Variants in PCDHA13 observed in about 807,000 individuals in gnomAD.
PCDHA13 encodes protocadherin alpha-13.
In PCDHA13, 54 loss-of-function variants were observed where a neutral mutation model predicts 64.8. The observed-to-expected ratio is 0.83, with a 90% confidence interval of 0.67 to 1.04. The LOEUF (loss-of-function observed/expected upper bound fraction) is 1.04. PCDHA13 is among the 50% of genes least tolerant of loss of function. PCDHA13 has a pLI of 0.00. For synonymous variants in PCDHA13, 587 were observed against 564.4 expected (o/e 1.04, Z -0.57); for missense variants, 1,248 against 1,254.3 (o/e 0.99, Z 0.08).
At position 141,009,798 on chromosome 5, in the gene PCDHA13, A is replaced by T; in HGVS notation, c.2714A>T (p.Asn905Ile). 1 of 1,614,116 alleles carries T rather than the reference A, an allele frequency of 6.2e-7. No individual in the cohort carries two copies. The highest frequency in any genetic ancestry group is 2.2e-5 in the East Asian group (1 of 44,868). Residue 905 changes from asparagine (N) to isoleucine (I), a missense_variant, in exon 4 of 4, where the codon AAC (asparagine) becomes ATC (isoleucine). Asn to Ile is a moderately radical substitution (Grantham distance 149). Coordinates refer to ENST00000289272, the MANE Select transcript of PCDHA13 (RefSeq NM_018904.3). The stretch of plus-strand genomic sequence containing the variant: ...ATCTCCATCCGGCAGGAGCCTACTA[A>T]CAGCCAAATTGACAAAAGTGACTTC... Reference protein sequence around the residue: ...AIISIRQEPTNSQIDKSDFIT... With the variant: ...AIISIRQEPTISQIDKSDFIT...
At chr5:140,887,238 C>T (rs1191260946) in intron 1 of PCDHA13, among the ~76,000 whole-genome samples, 11 of 151,856 alleles carry the variant, frequency 7.2e-5, no homozygotes, top group East Asian at 3.9e-4. Flanking sequence ...CTGAGACTAC[C>T]GGCGCCCGCC....
chr5:140,979,383 T>C (rs2096847136), intron 2 of PCDHA13, among the ~76,000 whole-genome samples: 1 of 152,220 alleles, frequency 6.6e-6, no homozygotes, highest in Admixed American at 6.5e-5. Context: ...CATTGTGCAA[T>C]GTATACATAC....
At position 140,999,623 on chromosome 5, in the gene PCDHA13, A is replaced by G. The variant is rs188539860; in HGVS notation, c.2543-10004A>G. ...CCTGGGGGACCTTATCAACCAGGAAACAAGGTAGAGAAAACTGTGCAGCCT... is the reference window on the plus strand; with the variant it reads ...CCTGGGGGACCTTATCAACCAGGAAGCAAGGTAGAGAAAACTGTGCAGCCT... On this transcript the variant is annotated intron_variant, in intron 3 of 3. Transcript: ENST00000289272. Among the ~76,000 whole-genome samples the G allele has an allele frequency of 1.3e-4, 20 of 152,330 alleles. No individual in the cohort carries two copies. In the East Asian group the frequency reaches 3.9e-3, roughly 29 times the overall value.
chr5:140,888,067 T>G (rs1392142536), intron 1 of PCDHA13, among the ~76,000 whole-genome samples: 1 of 152,224 alleles, frequency 6.6e-6, no homozygotes, highest in Admixed American at 6.5e-5. Context: ...CTTTCTTGTC[T>G]GCTAATTTCA....
At chr5:140,924,812 T>G (rs947021976) in intron 1 of PCDHA13, among the ~76,000 whole-genome samples, 2 of 151,424 alleles carry the variant, frequency 1.3e-5, no homozygotes, top group African/African-American at 4.9e-5. Flanking sequence ...AGAGAATCGC[T>G]TGAACCTGGG....
At chr5:141,007,395 C>CAAAA (rs35800918) in intron 3 of PCDHA13, among the ~76,000 whole-genome samples, 7 of 94,852 alleles carry the variant, frequency 7.4e-5, no homozygotes, top group East Asian at 2.9e-4. Context: ...TACTAAAATA[C>CAAAA]AAAAAAAAAA....
intron 3 of PCDHA13, 102 bp downstream of exon 3, chr5:140,982,665 A>G (rs1318068299): frequency 2.0e-6 from 3 of 1,465,204 alleles, no homozygotes; most frequent in Middle Eastern, 2.1e-4. Context: ...TTTCTTTTAT[A>G]TTTTTGTTAT....
chr5:140,943,450 T>C (rs2093496924), intron 1 of PCDHA13, among the ~76,000 whole-genome samples: 1 of 152,012 alleles, frequency 6.6e-6, no homozygotes, highest in Non-Finnish European at 1.5e-5. Context: ...ATAGAATTGA[T>C]AAGGCTAAAT....
At chr5:140,941,321 T>C (rs1220701599) in intron 1 of PCDHA13, among the ~76,000 whole-genome samples, 5 of 62,540 alleles carry the variant, frequency 8.0e-5, no homozygotes, top group African/African-American at 2.0e-4. Context: ...TTCTTTCTCT[T>C]TTTTTTTTTT....
At chr5:140,914,360 T>C (rs782101976) in intron 1 of PCDHA13, among the ~76,000 whole-genome samples, 10 of 152,218 alleles carry the variant, frequency 6.6e-5, no homozygotes, top group Non-Finnish European at 1.5e-4. Context: ...GTTTTTGTCT[T>C]GAGATCTATT....
Position 140,882,606 on chromosome 5 carries a change from C to A in PCDHA13, c.338C>A (p.Pro113His), listed in dbSNP as rs782588313. The A allele has an allele frequency of 6.2e-7, 1 of 1,614,120 alleles. No individual in the cohort carries two copies. Among genetic ancestry groups the A allele is most frequent in the African/African-American group, 1.3e-5 (1 of 74,932 alleles). The change falls in exon 1 of 4, where the codon CCT (proline) becomes CAT (histidine). Residue 113 changes from proline (P) to histidine (H), a missense_variant. Coordinates refer to ENST00000289272, the MANE Select transcript of PCDHA13 (RefSeq NM_018904.3). ...SIHLEVIVDR[P>H]LQVFHVEVKV... ...CACCTGGAGGTGATCGTGGACAGGCCTCTGCAGGTTTTCCATGTGGAGGTG... is the reference window on the plus strand; with the variant it reads ...CACCTGGAGGTGATCGTGGACAGGCATCTGCAGGTTTTCCATGTGGAGGTG...
intron 1 of PCDHA13, among the ~76,000 whole-genome samples, chr5:140,953,914 T>A (rs1554221128): frequency 6.6e-6 from 1 of 152,134 alleles, no homozygotes; most frequent in South Asian, 2.1e-4. Context: ...ATCCATTAGG[T>A]ATTCTTCCTG....
chr5:140,884,044 G>A lies in PCDHA13; in HGVS notation c.1776G>A (p.Ala592=), dbSNP rs374333847. ...CGGTGGGTGCAGGCCACGTGGTGGCGAAGGTGCGCGCGGTGGACGCCGATT... is the reference window on the plus strand; with the variant it reads ...CGGTGGGTGCAGGCCACGTGGTGGCAAAGGTGCGCGCGGTGGACGCCGATT... ...PRSVGAGHVV[A]KVRAVDADSG... is the part of the protein sequence containing the mutation. The change falls in exon 1 of 4, where the codon GCG becomes GCA. Residue 592 remains alanine, a synonymous_variant. Coordinates refer to ENST00000289272, the MANE Select transcript of PCDHA13 (RefSeq NM_018904.3). 9.9e-6 allele frequency: 16 copies of A among 1,613,358 alleles called. No homozygotes were observed. Among genetic ancestry groups the A allele is most frequent in the Non-Finnish European group, 1.4e-5 (16 of 1,179,740 alleles).
At chr5:140,925,740 G>T (rs1008956010) in intron 1 of PCDHA13, among the ~76,000 whole-genome samples, 19 of 151,764 alleles carry the variant, frequency 1.3e-4, no homozygotes, top group African/African-American at 4.6e-4. Flanking sequence ...AATATTTACA[G>T]AAAGAAAATT....
intron 1 of PCDHA13, among the ~76,000 whole-genome samples, chr5:140,903,368 A>G (rs1554190936): frequency 6.6e-6 from 1 of 152,234 alleles, no homozygotes; most frequent in Non-Finnish European, 1.5e-5. Flanking sequence ...TCAAAAATAT[A>G]GGGAGGATTG....
chr5:140,951,703 C>T (rs1000873823), intron 1 of PCDHA13, among the ~76,000 whole-genome samples: 3 of 152,110 alleles, frequency 2.0e-5, no homozygotes, highest in Non-Finnish European at 2.9e-5. Context: ...GAGCTTTGGG[C>T]GGGGACACAG....
At chr5:140,988,157 G>A (rs1344911037) in intron 3 of PCDHA13, among the ~76,000 whole-genome samples, 5 of 152,014 alleles carry the variant, frequency 3.3e-5, no homozygotes, top group African/African-American at 7.3e-5. Context: ...AACTTCTGCC[G>A]TTGTCATAGC....
chr5:140,908,208 C>A (rs1477430085), intron 1 of PCDHA13, among the ~76,000 whole-genome samples: 8 of 152,136 alleles, frequency 5.3e-5, no homozygotes, highest in Non-Finnish European at 1.0e-4. Context: ...TCATGCAGAA[C>A]CATCTGTGAA....
intron 3 of PCDHA13, among the ~76,000 whole-genome samples, chr5:140,990,016 G>A (rs1211656433): frequency 6.6e-6 from 1 of 152,138 alleles, no homozygotes; most frequent in East Asian, 1.9e-4. Flanking sequence ...GCGTGGGCTA[G>A]GCAAAGGATG....
Sources: gnomAD v4.1 joint callset for allele counts (sites outside exome capture counted in the v4.1 genomes callset) on GRCh38, gnomAD v4.1.1 for gene constraint, MANE v1.5 for transcripts, NCBI Gene and HGNC (gene_info 2026-07-23, HGNC 2026-07-21) for gene names.